Variants in MTREX observed in about 807,000 individuals in gnomAD.
MTREX encodes exosome RNA helicase MTR4.
MTREX carries 76 observed loss-of-function variants against 135.4 expected under a neutral mutation model. That is an observed-to-expected ratio of 0.56 (90% confidence interval 0.47 to 0.68). MTREX has a LOEUF of 0.68. Ranked by LOEUF, MTREX falls within the 30% of genes least tolerant of loss-of-function variation. MTREX has a pLI of 0.00. For missense variants in MTREX, 920 were observed against 1,262.1 expected (o/e 0.73, Z 4.11); for synonymous variants, 404 against 401.6 (o/e 1.01, Z -0.07).
At chr5:55,324,390 T>G (rs1394082728) in intron 3 of MTREX, 192 bp downstream of exon 3, 1 of 309,032 alleles carries the variant, frequency 3.2e-6, no homozygotes, top group East Asian at 5.3e-5. Context: ...AGCATTTTTC[T>G]TAACTATAAT....
chr5:55,354,910 C>T (rs115931049), intron 14 of MTREX, among the ~76,000 whole-genome samples: 2,373 of 152,334 alleles, frequency 0.016, 35 homozygotes, highest in Non-Finnish European at 0.027. Flanking sequence ...CCACCTCCCA[C>T]AGGGACTCCC....
intron 8 of MTREX, 142 bp downstream of exon 8, chr5:55,343,597 G>A: frequency 1.4e-6 from 1 of 704,998 alleles, no homozygotes; most frequent in Non-Finnish European, 2.2e-6. Flanking sequence ...CTCAAATCAA[G>A]CAGCTTATCA....
At chr5:55,315,106 G>C (rs964603645) in intron 1 of MTREX, among the ~76,000 whole-genome samples, 3 of 152,204 alleles carry the variant, frequency 2.0e-5, no homozygotes, top group Non-Finnish European at 2.9e-5. Flanking sequence ...ACAGTAATGT[G>C]TGAGAGTACT....
chr5:55,359,799 G>A (rs1484555945), intron 15 of MTREX, among the ~76,000 whole-genome samples: 1 of 152,126 alleles, frequency 6.6e-6, no homozygotes, highest in Non-Finnish European at 1.5e-5. Context: ...ATTATAGGAG[G>A]TAATATTTTA....
In MTREX at chr5:55,343,469, C is replaced by G; in HGVS notation, c.906+14C>G. The G allele has an allele frequency of 6.2e-7, 1 of 1,607,912 alleles. No homozygotes were observed. Among genetic ancestry groups the G allele is most frequent in the South Asian group, 1.1e-5 (1 of 90,136 alleles). ...TTACATAAACAGGTATTTTTTCCTC[C>G]TTTTTTGATGTCTTCAATATTCAAA... On this transcript the variant is annotated intron_variant, in intron 8 of 26. Transcript: ENST00000230640.
chr5:55,384,263 T>C (rs2112104905), intron 18 of MTREX, among the ~76,000 whole-genome samples: 2 of 152,068 alleles, frequency 1.3e-5, no homozygotes, highest in South Asian at 4.1e-4. Context: ...ACTGTTGATA[T>C]TATCTGCTAG....
chr5:55,366,701 A>G, intron 15 of MTREX, 24 bp from the exon 16 acceptor site: 2 of 1,506,228 alleles, frequency 1.3e-6, no homozygotes, highest in Non-Finnish European at 1.8e-6. Flanking sequence ...AAACTACAAA[A>G]TTGACATTTT....
chr5:55,313,960 C>G (rs925043347), intron 1 of MTREX, among the ~76,000 whole-genome samples: 1 of 151,896 alleles, frequency 6.6e-6, no homozygotes, highest in African/African-American at 2.4e-5. Flanking sequence ...ACCAAGAGAT[C>G]ATCGTATATC....
chr5:55,371,421 A>G (rs1231177192), intron 16 of MTREX, among the ~76,000 whole-genome samples: 1 of 152,150 alleles, frequency 6.6e-6, no homozygotes, highest in Non-Finnish European at 1.5e-5. Context: ...ATGTTTTTGC[A>G]ACCACCATCT....
In MTREX at chr5:55,369,828, G is replaced by A. The variant is rs138539824; in HGVS notation, c.1810+2953G>A. ...CCACTGTATAGCCAGTCACTAACCC[G>A]TGTTATTTCTTTTTACCAATGAGAA... is the stretch of plus-strand genomic sequence containing the variant. On this transcript the variant is annotated intron_variant, in intron 16 of 26. Transcript: ENST00000230640. Among the ~76,000 whole-genome samples the A allele has an allele frequency of 7.2e-5, 11 of 151,940 alleles. No homozygotes were observed. The East Asian group carries it at 1.7e-3, about 24-fold the overall frequency.
At chr5:55,412,898 ATTTTTG>A (rs1750905421) in intron 23 of MTREX, among the ~76,000 whole-genome samples, 1 of 152,158 alleles carries the variant, frequency 6.6e-6, no homozygotes, top group Non-Finnish European at 1.5e-5. Flanking sequence ...TTCATCAATA[ATTTTTG>A]GTTTTAGCAG....
At chr5:55,382,806 G>A (rs149509276) in intron 18 of MTREX, among the ~76,000 whole-genome samples, 386 of 151,906 alleles carry the variant, frequency 2.5e-3, no homozygotes, top group Non-Finnish European at 4.4e-3. Flanking sequence ...CTAATTTTTT[G>A]TATTTTTAGT....
intron 20 of MTREX, among the ~76,000 whole-genome samples, 179 bp from the exon 21 acceptor site, chr5:55,400,053 AG>A (rs1192724021): frequency 6.6e-6 from 1 of 152,202 alleles, no homozygotes; most frequent in African/African-American, 2.4e-5. Flanking sequence ...GTTGAAAAAG[AG>A]TTTTCAAAAA....
In MTREX at chr5:55,425,370, C is replaced by CAAG. The variant is rs1340879082; in HGVS notation, c.*599_*601dup. On this transcript the variant is annotated 3_prime_UTR_variant, in exon 27 of 27. Coordinates refer to ENST00000230640, the MANE Select transcript of MTREX (RefSeq NM_015360.5). Reference sequence around the variant, plus strand: ...AAATATTTAATGGTATAATTTAGATCAAGTTAAAAACTACATACAAAGTTG... The same window carrying CAAG: ...AAATATTTAATGGTATAATTTAGATCAAGAAGTTAAAAACTACATACAAAGTTG... The CAAG allele has an allele frequency of 6.5e-7, 1 of 1,535,516 alleles. No individual in the cohort carries two copies. The highest frequency in any genetic ancestry group is 8.9e-7 in the Non-Finnish European group (1 of 1,129,086).
At chr5:55,341,519 A>T (rs1032632845) in intron 6 of MTREX, among the ~76,000 whole-genome samples, 162 bp from the exon 7 acceptor site, 1 of 152,230 alleles carries the variant, frequency 6.6e-6, no homozygotes, top group Non-Finnish European at 1.5e-5. Context: ...TACTTTTGTT[A>T]ATATTTGTTA....
chr5:55,407,326 T>C (rs754768567), intron 22 of MTREX, among the ~76,000 whole-genome samples: 41 of 152,348 alleles, frequency 2.7e-4, no homozygotes, highest in Non-Finnish European at 5.1e-4. Context: ...TATTGGATTT[T>C]AATTAATAAC....
chr5:55,319,681 G>C (rs992013850), intron 1 of MTREX, among the ~76,000 whole-genome samples: 1 of 152,112 alleles, frequency 6.6e-6, no homozygotes, highest in Non-Finnish European at 1.5e-5. Context: ...TTCATTTCCA[G>C]CCTTTCTGGA....
At chr5:55,371,444 G>A (rs1319243763) in intron 16 of MTREX, among the ~76,000 whole-genome samples, 2 of 151,928 alleles carry the variant, frequency 1.3e-5, no homozygotes, top group East Asian at 1.9e-4. Context: ...CATCTTCCTC[G>A]AGAGGAAGAA....
intron 18 of MTREX, among the ~76,000 whole-genome samples, chr5:55,386,678 A>G (rs528657054): frequency 8.9e-4 from 136 of 152,278 alleles, no homozygotes; most frequent in Non-Finnish European, 1.8e-3. Context: ...TACAGAGAAT[A>G]TTAAATTTAT....
Sources: gnomAD v4.1 joint callset for allele counts (sites outside exome capture counted in the v4.1 genomes callset) on GRCh38, gnomAD v4.1.1 for gene constraint, MANE v1.5 for transcripts, NCBI Gene and HGNC (gene_info 2026-07-23, HGNC 2026-07-21) for gene names.